Variants in MKLN1 observed in about 807,000 individuals in gnomAD.
MKLN1 encodes the protein muskelin 1.
In MKLN1, 18 loss-of-function variants were observed where a neutral mutation model predicts 99.0. The observed-to-expected ratio is 0.18, with a 90% CI of 0.13 to 0.27. MKLN1 has a LOEUF of 0.27. Among genes scored for constraint, MKLN1 ranks in the 10% least tolerant of loss-of-function variants. The pLI is 1.00. For synonymous variants in MKLN1, 288 were observed against 293.2 expected, an observed-to-expected ratio of 0.98 and a Z score of 0.18; for missense variants, 621 against 875.9, an observed-to-expected ratio of 0.71 and a Z score of 3.67.
intron 2 of MKLN1, chr7:131,143,023 T>A: frequency 4.9e-6 from 5 of 1,014,764 alleles, no homozygotes; most frequent in Non-Finnish European, 6.9e-6. Flanking sequence ...TTCAAATTCT[T>A]CTCTCTGGAG....
intron 12 of MKLN1, among the ~76,000 whole-genome samples, chr7:131,455,910 G>A (rs1382546304): frequency 6.6e-6 from 1 of 152,148 alleles, no homozygotes; most frequent in African/African-American, 2.4e-5. Context: ...GCCTGGTGTG[G>A]TGATGCACGC....
At chr7:131,270,510 C>T (rs910390679) in intron 3 of MKLN1, among the ~76,000 whole-genome samples, 9 of 152,226 alleles carry the variant, frequency 5.9e-5, no homozygotes, top group East Asian at 1.9e-4. Flanking sequence ...CCTGAGCCAC[C>T]GTGCCCAGCC....
chr7:131,435,453 TAG>T (rs1163438827), intron 9 of MKLN1, among the ~76,000 whole-genome samples: 4 of 152,262 alleles, frequency 2.6e-5, no homozygotes, highest in Admixed American at 6.5e-5. Context: ...GGATAAACAG[TAG>T]AGTTTTTTTT....
chr7:131,292,255 A>AGTT (rs1798230525), intron 3 of MKLN1, among the ~76,000 whole-genome samples: 1 of 152,226 alleles, frequency 6.6e-6, no homozygotes, highest in Non-Finnish European at 1.5e-5. Context: ...TGATTTAAAA[A>AGTT]GTTGGGGAAG....
chr7:131,188,243 T>TG (rs1376854596), intron 2 of MKLN1, among the ~76,000 whole-genome samples: 2 of 152,098 alleles, frequency 1.3e-5, no homozygotes, highest in East Asian at 3.9e-4. Flanking sequence ...TGGGGGGCGT[T>TG]GGGGGGAAGA....
intron 3 of MKLN1, among the ~76,000 whole-genome samples, chr7:131,226,289 T>C (rs905798170): frequency 6.6e-6 from 1 of 152,172 alleles, no homozygotes; most frequent in African/African-American, 2.4e-5. Flanking sequence ...AAGAGAAAAA[T>C]GTAAACAAGC....
At chr7:131,299,781 C>T (rs757773082) in intron 3 of MKLN1, among the ~76,000 whole-genome samples, 4 of 152,184 alleles carry the variant, frequency 2.6e-5, no homozygotes, top group Admixed American at 6.5e-5. Flanking sequence ...ACGATGTTAA[C>T]GTCGCACATA....
At chr7:131,359,769 T>G (rs1469670507) in intron 1 of MKLN1, among the ~76,000 whole-genome samples, 4 of 152,086 alleles carry the variant, frequency 2.6e-5, no homozygotes, top group Admixed American at 6.6e-5. Context: ...GGTTTCACTC[T>G]GTCACCCAGA....
chr7:131,190,331 C>T (rs1796516010), intron 2 of MKLN1, among the ~76,000 whole-genome samples: 1 of 152,064 alleles, frequency 6.6e-6, no homozygotes, highest in South Asian at 2.1e-4. Flanking sequence ...TATGTGTTTT[C>T]TCTCAGACCT....
intron 10 of MKLN1, among the ~76,000 whole-genome samples, chr7:131,442,729 A>C (rs1452940785): frequency 6.6e-6 from 1 of 152,200 alleles, no homozygotes; most frequent in Non-Finnish European, 1.5e-5. Flanking sequence ...CTAATTCCCA[A>C]CTTGGATTTA....
At chr7:131,171,141 G>A (rs1369162340) in intron 2 of MKLN1, among the ~76,000 whole-genome samples, 1 of 152,170 alleles carries the variant, frequency 6.6e-6, no homozygotes, top group Non-Finnish European at 1.5e-5. Context: ...TCCAAGGCAG[G>A]GTTACAGGGA....
intron 3 of MKLN1, among the ~76,000 whole-genome samples, chr7:131,206,003 C>T (rs1786181102): frequency 6.6e-6 from 1 of 151,876 alleles, no homozygotes; most frequent in Non-Finnish European, 1.5e-5. Flanking sequence ...AAGCGATTCT[C>T]CTGTCTCAGC....
At chr7:131,438,091 G>A in intron 10 of MKLN1, 94 bp downstream of exon 10, 1 of 915,574 alleles carries the variant, frequency 1.1e-6, no homozygotes, top group Non-Finnish European at 1.8e-6. Context: ...GAGTTGTCCA[G>A]TAGTGCTTTC....
At chr7:131,456,050 C>A (rs113455050) in intron 12 of MKLN1, among the ~76,000 whole-genome samples, 149,856 of 150,984 alleles carry the variant, frequency 0.99, 74,374 homozygotes, top group Non-Finnish European at 1. Flanking sequence ...TGTCTCCAAA[C>A]CAAAAAAAAA....
chr7:131,348,193 A>G (rs1340375220), intron 1 of MKLN1, among the ~76,000 whole-genome samples: 2 of 152,220 alleles, frequency 1.3e-5, no homozygotes, highest in African/African-American at 4.8e-5. Flanking sequence ...TTGCCATATG[A>G]CATATCTCTT....
rs796102760 is a variant in MKLN1, at chr7:131,173,968, C to CTTTTTTTTTTTTTTTTTTTTTTTTTTTTT, written c.-296-28884_-296-28883insTTTTTTTTTTTTTTTTTTTTTTTTTTTTT. On this transcript the variant is annotated intron_variant, in intron 2 of 7. Coordinates refer to the MKLN1 transcript ENST00000416992. ...TTCTCCAGAGTTTAAAGACCTTTTTCTTTTTCTTTTTTTTTTTTTTTTGAG... is the reference window on the plus strand; with the variant it reads ...TTCTCCAGAGTTTAAAGACCTTTTTCTTTTTTTTTTTTTTTTTTTTTTTTTTTTTTTTTTCTTTTTTTTTTTTTTTTGAG... Among the ~76,000 whole-genome samples, 2 of 118,654 alleles carry CTTTTTTTTTTTTTTTTTTTTTTTTTTTTT rather than the reference C, an allele frequency of 1.7e-5. 1 individual carries two copies. Among genetic ancestry groups the CTTTTTTTTTTTTTTTTTTTTTTTTTTTTT allele is most frequent in the Non-Finnish European group, 3.7e-5 (2 of 53,778 alleles). The allele number at this position is 118,654 out of a possible 152,430, so 77.8% of individuals were successfully genotyped here.
At position 131,194,156 on chromosome 7, in the gene MKLN1, C is replaced by G. The variant is rs112962415; in HGVS notation, c.-296-8701C>G. On this transcript the variant is annotated intron_variant, in intron 2 of 7. Coordinates refer to the MKLN1 transcript ENST00000416992. ...TGAACCACTGTGCCCAGACAATTAC[C>G]TATTTTAAAGTGAACAATTCAGAGG... 9.7e-3 allele frequency among the ~76,000 whole-genome samples: 1,476 copies of G among 152,074 alleles called. 34 individuals carry two copies. The highest frequency in any genetic ancestry group is 0.034 in the African/African-American group (1,401 of 41,472).
At chr7:131,466,153 G>T in intron 14 of MKLN1, 123 bp from the exon 15 acceptor site, 1 of 613,044 alleles carries the variant, frequency 1.6e-6, no homozygotes, top group Non-Finnish European at 2.5e-6. Context: ...TGGTAAAAAT[G>T]CAGTATAATT....
intron 1 of MKLN1, among the ~76,000 whole-genome samples, chr7:131,128,932 T>G (rs1795507392): frequency 6.9e-6 from 1 of 144,528 alleles, no homozygotes; most frequent in Admixed American, 7.5e-5. Flanking sequence ...AGAGACAGGA[T>G]CTTGCTCTGT....
Sources: gnomAD v4.1 joint callset for allele counts (sites outside exome capture counted in the v4.1 genomes callset) on GRCh38, gnomAD v4.1.1 for gene constraint, MANE v1.5 for transcripts, NCBI Gene and HGNC (gene_info 2026-07-23, HGNC 2026-07-21) for gene names.